TC2N: variants seen among roughly 807,000 people sequenced by gnomAD.
The protein encoded by TC2N is tandem C2 domains nuclear protein.
In TC2N, 51 loss-of-function variants were observed where a neutral mutation model predicts 61.9. The observed-to-expected ratio is 0.82, with a 90% CI of 0.66 to 1.04. The LOEUF (loss-of-function observed/expected upper bound fraction) is 1.04, where lower values mean the gene tolerates loss of function less well. Among genes scored for constraint, TC2N ranks in the 50% least tolerant of loss-of-function variants. The pLI, the probability that TC2N is intolerant of heterozygous loss-of-function variation, is 0.00. For missense variants in TC2N, 556 were observed against 566.7 expected, an observed-to-expected ratio of 0.98 and a Z score of 0.19; for synonymous variants, 204 against 192.6, an observed-to-expected ratio of 1.06 and a Z score of -0.49.
intron 11 of TC2N, 26 bp from the exon 12 acceptor site, chr14:91,783,236 T>A (rs1885210830): frequency 7.6e-7 from 1 of 1,314,444 alleles, no homozygotes; most frequent in Admixed American, 1.8e-5. Flanking sequence ...TGTACAATCA[T>A]TTAACTTGAC....
At chr14:91,795,776 T>C (rs1885866508) in intron 8 of TC2N, among the ~76,000 whole-genome samples, 1 of 152,088 alleles carries the variant, frequency 6.6e-6, no homozygotes, top group Admixed American at 6.5e-5. Context: ...AGTATGCCTA[T>C]ACTGTGCCCA....
At chr14:91,815,350 T>A (rs1886959861) in intron 1 of TC2N, among the ~76,000 whole-genome samples, 1 of 147,144 alleles carries the variant, frequency 6.8e-6, no homozygotes, top group Non-Finnish European at 1.5e-5. Flanking sequence ...ACTGCATACT[T>A]CATGAATTAT....
chr14:91,791,548 G>C (rs1479077412), intron 9 of TC2N, among the ~76,000 whole-genome samples: 1 of 151,828 alleles, frequency 6.6e-6, no homozygotes, highest in Non-Finnish European at 1.5e-5. Flanking sequence ...GAAGCAAATA[G>C]CAAGTCCCAA....
intron 11 of TC2N, among the ~76,000 whole-genome samples, chr14:91,784,780 C>T (rs559739563): frequency 5.9e-5 from 9 of 151,994 alleles, no homozygotes; most frequent in African/African-American, 1.4e-4. Context: ...TAAAAAGTGC[C>T]CATGTTAAAC....
At chr14:91,824,434 CT>C (rs1374767186) in intron 1 of TC2N, among the ~76,000 whole-genome samples, 1 of 152,226 alleles carries the variant, frequency 6.6e-6, no homozygotes, top group Non-Finnish European at 1.5e-5. Context: ...ATCATCACGA[CT>C]TTCCCCTGCA....
At chr14:91,859,140 C>CT (rs781126403) in intron 1 of TC2N, among the ~76,000 whole-genome samples, 12 of 151,994 alleles carry the variant, frequency 7.9e-5, no homozygotes, top group Non-Finnish European at 4.4e-5. Flanking sequence ...AGCTCGGTCT[C>CT]TAGCACCAGA....
In TC2N at chr14:91,800,327, C is replaced by CTTA. The variant is rs754874787; in HGVS notation, c.512_514dup (p.Leu171_Ser172insIle). 5 of 1,605,274 alleles carry CTTA rather than the reference C, an allele frequency of 3.1e-6. No homozygotes were observed. The South Asian group carries it at 5.6e-5, about 18-fold the overall frequency. ...GTTTGTAAGATCAAACATAGATTTG[C>CTTA]TTAGCCCAGGGGAACCGGGAAGTTT... On this transcript the variant is annotated inframe_insertion, in exon 5 of 12. Coordinates refer to ENST00000435962, the MANE Select transcript of TC2N (RefSeq NM_001128596.3).
At chr14:91,813,913 T>A in intron 1 of TC2N, 88 bp from the exon 2 acceptor site, 1 of 482,536 alleles carries the variant, frequency 2.1e-6, no homozygotes, top group Non-Finnish European at 3.7e-6. Flanking sequence ...TCTGTCTTTC[T>A]AAGACATAAT....
At chr14:91,817,156 A>G (rs892720083) in intron 1 of TC2N, among the ~76,000 whole-genome samples, 8 of 151,958 alleles carry the variant, frequency 5.3e-5, no homozygotes, top group Admixed American at 4.6e-4. Context: ...GTATATCTTT[A>G]TATTTGTTCA....
chr14:91,847,624 G>A (rs1197210778), intron 1 of TC2N, among the ~76,000 whole-genome samples: 1 of 152,194 alleles, frequency 6.6e-6, no homozygotes, highest in Non-Finnish European at 1.5e-5. Context: ...CAGTTTGTGA[G>A]GGAGCCGTCT....
At chr14:91,827,770 C>T (rs948534100) in intron 1 of TC2N, among the ~76,000 whole-genome samples, 6 of 152,150 alleles carry the variant, frequency 3.9e-5, no homozygotes, top group Admixed American at 1.3e-4. Flanking sequence ...TAAATAGTCA[C>T]TCTGGTTGTT....
In TC2N at chr14:91,800,728, T is replaced by C. The variant is rs190070697; in HGVS notation, c.470-356A>G. Among the ~76,000 whole-genome samples the C allele has an allele frequency of 5.4e-4, 82 of 152,188 alleles. 1 individual carries two copies. The highest frequency in any genetic ancestry group is 8.1e-4 in the Non-Finnish European group (55 of 67,956). ...TGCAACTATTTATTATTAATAAGCA[T>C]GTATTACTTTTAAAAATCAATACTC... On this transcript the variant is annotated intron_variant, in intron 4 of 11. Coordinates refer to ENST00000435962, the MANE Select transcript of TC2N (RefSeq NM_001128596.3).
chr14:91,846,411 T>A lies in TC2N; in HGVS notation c.-57+20851A>T, dbSNP rs1452681621. ...TCTTCCCTTGTCCACCGAAAGACCA[T>A]CAAAACTAGAGAGAGATTATCAAAT... is the stretch of plus-strand genomic sequence containing the variant. On this transcript the variant is annotated intron_variant, in intron 1 of 11. Coordinates refer to ENST00000435962, the MANE Select transcript of TC2N (RefSeq NM_001128596.3). 2.0e-5 allele frequency among the ~76,000 whole-genome samples: 3 copies of A among 152,080 alleles called. No homozygotes were observed. In the East Asian group the frequency reaches 5.8e-4, roughly 29 times the overall value.
Position 91,798,304 on chromosome 14 carries a change from A to T in TC2N, c.733T>A (p.Leu245Ile). The change falls in exon 7 of 12, where the codon TTA (leucine) becomes ATA (isoleucine). Residue 245 changes from leucine to isoleucine, a missense_variant. Coordinates refer to ENST00000435962, the MANE Select transcript of TC2N (RefSeq NM_001128596.3). ...SSVEQIWITV[L>I]QCRDLSWPSS... Reference sequence around the variant, plus strand: ...TATTAACTATACTAATTTACCTGTAAAACTGTGATCCAGATCTGTTCTACT... The same window carrying T: ...TATTAACTATACTAATTTACCTGTATAACTGTGATCCAGATCTGTTCTACT... The T allele has an allele frequency of 6.5e-7, 1 of 1,534,228 alleles. No individual in the cohort carries two copies. The highest frequency in any genetic ancestry group is 8.9e-7 in the Non-Finnish European group (1 of 1,125,440).
intron 8 of TC2N, among the ~76,000 whole-genome samples, chr14:91,793,321 T>C (rs1885747923): frequency 6.6e-6 from 1 of 152,240 alleles, no homozygotes; most frequent in African/African-American, 2.4e-5. Flanking sequence ...AATGCATCCA[T>C]TTAGAAAGGA....
chr14:91,808,648 T>C (rs775090016), intron 3 of TC2N, among the ~76,000 whole-genome samples: 1 of 152,234 alleles, frequency 6.6e-6, no homozygotes. Flanking sequence ...ACTTCTTCAG[T>C]GAACCTATAA....
chr14:91,799,762 T>C (rs957516381), intron 5 of TC2N, among the ~76,000 whole-genome samples: 1 of 152,146 alleles, frequency 6.6e-6, no homozygotes, highest in Non-Finnish European at 1.5e-5. Context: ...ATAGGAAATA[T>C]GGGAATTTGT....
At chr14:91,804,067 A>C (rs1235439724) in intron 3 of TC2N, among the ~76,000 whole-genome samples, 1 of 152,236 alleles carries the variant, frequency 6.6e-6, no homozygotes, top group Non-Finnish European at 1.5e-5. Flanking sequence ...GGCTTAAGAC[A>C]TTGATAGGCA....
At chr14:91,796,137 A>G (rs1322533280) in intron 8 of TC2N, among the ~76,000 whole-genome samples, 1 of 152,054 alleles carries the variant, frequency 6.6e-6, no homozygotes, top group Non-Finnish European at 1.5e-5. Context: ...AAATTGTTTA[A>G]TTCAGAAAGT....
Sources: gnomAD v4.1 joint callset for allele counts (sites outside exome capture counted in the v4.1 genomes callset) on GRCh38, gnomAD v4.1.1 for gene constraint, MANE v1.5 for transcripts, NCBI Gene and HGNC (gene_info 2026-07-23, HGNC 2026-07-21) for gene names.